Variants in COQ3 observed in about 807,000 individuals in gnomAD.
COQ3 encodes coenzyme Q3, methyltransferase, also known as ubiquinone biosynthesis O-methyltransferase, mitochondrial.
COQ3 carries 29 observed loss-of-function variants against 33.1 expected under a neutral mutation model. The observed-to-expected ratio is 0.88, with a 90% CI of 0.65 to 1.19. COQ3 has a LOEUF of 1.19. COQ3 is among the 50% of genes most tolerant of loss of function. The probability of loss-of-function intolerance (pLI) is 0.00; values close to 1 mark genes in which losing one functional copy is unlikely to be tolerated. For synonymous variants in COQ3, 173 were observed against 157.8 expected, an observed-to-expected ratio of 1.10 and a Z score of -0.72; for missense variants, 437 against 430.7, an observed-to-expected ratio of 1.01 and a Z score of -0.13.
At chr6:99,369,949 A>G in intron 6 of COQ3, 129 bp from the exon 7 acceptor site, 4 of 641,372 alleles carry the variant, frequency 6.2e-6, no homozygotes, top group Non-Finnish European at 1.1e-5. Flanking sequence ...AGAAGAAAAA[A>G]AAAGGATTCC....
At chr6:99,376,371 C>A (rs969357439) in intron 4 of COQ3, among the ~76,000 whole-genome samples, 189 bp from the exon 5 acceptor site, 1 of 151,874 alleles carries the variant, frequency 6.6e-6, no homozygotes, top group Non-Finnish European at 1.5e-5. Context: ...ATAATCAAAC[C>A]CTTAAAGTTA....
intron 1 of COQ3, among the ~76,000 whole-genome samples, chr6:99,392,876 A>T (rs533204181): frequency 1.3e-5 from 2 of 152,114 alleles, no homozygotes; most frequent in African/African-American, 4.8e-5. Context: ...GCCTGTCTCG[A>T]CCAACTGCTT....
intron 1 of COQ3, among the ~76,000 whole-genome samples, chr6:99,388,716 T>A (rs1013951097): frequency 6.6e-6 from 1 of 151,668 alleles, no homozygotes; most frequent in Non-Finnish European, 1.5e-5. Flanking sequence ...GGTGTGGTGG[T>A]GGGAACCTGT....
chr6:99,374,317 G>A (rs369337795), intron 5 of COQ3, among the ~76,000 whole-genome samples: 101 of 152,188 alleles, frequency 6.6e-4, no homozygotes, highest in Non-Finnish European at 1.2e-3. Flanking sequence ...GTATGCAAGT[G>A]CAGGGTCAGC....
chr6:99,370,309 CTACTTTCTTTTCT>C (rs1774091998), intron 6 of COQ3, among the ~76,000 whole-genome samples: 1 of 148,544 alleles, frequency 6.7e-6, no homozygotes, highest in Non-Finnish European at 1.5e-5. Flanking sequence ...CATTTTTTTC[CTACTTTCTTTTCT>C]TTCTTTCTTT....
chr6:99,393,003 G>A (rs1301198128), intron 1 of COQ3, among the ~76,000 whole-genome samples: 1 of 151,916 alleles, frequency 6.6e-6, no homozygotes, highest in Non-Finnish European at 1.5e-5. Context: ...TTGGAACTAG[G>A]TTTATTATAT....
intron 5 of COQ3, among the ~76,000 whole-genome samples, chr6:99,371,872 TCAAA>T (rs1488272687): frequency 6.6e-6 from 1 of 152,166 alleles, no homozygotes; most frequent in African/African-American, 2.4e-5. Flanking sequence ...TTTGTACATA[TCAAA>T]CACTTTACAA....
chr6:99,376,174 C>T lies in COQ3; in HGVS notation c.495G>A (p.Gly165=). The part of the protein sequence containing the change: ...CGGGLLTEPL[G]RLGASVIGID... ...TTCCAATAACTGAAGCCCCAAGCCG[C>T]CCTAGAGGCTAATGGCATTAAAAAA... The change falls in exon 5 of 7, where the codon GGG becomes GGA. Residue 165 remains glycine (G), a synonymous_variant. Transcript: ENST00000254759. 1 of 1,613,868 alleles carries T rather than the reference C, an allele frequency of 6.2e-7. No individual in the cohort carries two copies. Among genetic ancestry groups the T allele is most frequent in the South Asian group, 1.1e-5 (1 of 91,064 alleles).
At position 99,380,169 on chromosome 6, in the gene COQ3, T is replaced by TA. The variant is rs1249906047; in HGVS notation, c.386+19dup. On this transcript the variant is annotated intron_variant, in intron 3 of 6. Coordinates refer to ENST00000254759, the MANE Select transcript of COQ3 (RefSeq NM_017421.4). ...TTAAAAAGTTCCATTTAAAAAGACT[T>TA]AGAGTTTCTGGAGTGTTACCTAATA... 1.9e-6 allele frequency: 3 copies of TA among 1,603,688 alleles called. No individual in the cohort carries two copies. Among genetic ancestry groups the TA allele is most frequent in the Non-Finnish European group, 2.6e-6 (3 of 1,172,968 alleles).
At chr6:99,372,660 C>T (rs528065749) in intron 5 of COQ3, among the ~76,000 whole-genome samples, 1 of 152,184 alleles carries the variant, frequency 6.6e-6, no homozygotes, top group Admixed American at 6.5e-5. Context: ...TTGTGATCCA[C>T]CTGCCTTGGC....
At chr6:99,373,245 C>T (rs12203944) in intron 5 of COQ3, among the ~76,000 whole-genome samples, 19,093 of 151,868 alleles carry the variant, frequency 0.13, 1,683 homozygotes, top group Non-Finnish European at 0.18. Flanking sequence ...GTCAACATAG[C>T]GAGAACCGCA....
intron 2 of COQ3, among the ~76,000 whole-genome samples, chr6:99,380,793 G>C (rs963789320): frequency 4.6e-5 from 7 of 152,072 alleles, no homozygotes; most frequent in African/African-American, 1.7e-4. Flanking sequence ...TCTAATCCCA[G>C]CTACTCAGGA....
At chr6:99,372,332 G>A (rs1311544968) in intron 5 of COQ3, among the ~76,000 whole-genome samples, 1 of 151,914 alleles carries the variant, frequency 6.6e-6, no homozygotes, top group East Asian at 1.9e-4. Context: ...TTGAACACAG[G>A]AGGTGGAGGT....
chr6:99,384,442 G>T (rs1774559288), intron 1 of COQ3, among the ~76,000 whole-genome samples: 1 of 152,072 alleles, frequency 6.6e-6, no homozygotes, highest in Non-Finnish European at 1.5e-5. Context: ...TGACAGGAAT[G>T]ATATTCAAAT....
At chr6:99,389,154 A>G (rs1254186293) in intron 1 of COQ3, among the ~76,000 whole-genome samples, 1 of 151,790 alleles carries the variant, frequency 6.6e-6, no homozygotes, top group African/African-American at 2.4e-5. Context: ...AGGGTCTCTC[A>G]CTCTGTCGCC....
At chr6:99,386,146 T>C (rs1774648387) in intron 1 of COQ3, among the ~76,000 whole-genome samples, 1 of 151,312 alleles carries the variant, frequency 6.6e-6, no homozygotes. Context: ...AAAATAGAAA[T>C]CAGCCGGGTG....
chr6:99,378,890 G>C (rs967327620), intron 3 of COQ3, among the ~76,000 whole-genome samples: 4 of 151,438 alleles, frequency 2.6e-5, no homozygotes, highest in African/African-American at 9.7e-5. Context: ...ACAGTGCTTT[G>C]CCCAAAATTG....
chr6:99,375,390 T>C (rs1012744428), intron 5 of COQ3, among the ~76,000 whole-genome samples: 10 of 151,278 alleles, frequency 6.6e-5, no homozygotes, highest in Non-Finnish European at 1.0e-4. Context: ...ATTTTTCTTT[T>C]TTTTTTTTTT....
chr6:99,372,279 C>T (rs7742736), intron 5 of COQ3, among the ~76,000 whole-genome samples: 54,977 of 151,500 alleles, frequency 0.36, 10,366 homozygotes, highest in South Asian at 0.57. Flanking sequence ...GTGGTGAGTG[C>T]CTGTATTCCC....
Sources: allele counts gnomAD v4.1 joint callset (sites outside exome capture counted in the v4.1 genomes callset), GRCh38; gene constraint gnomAD v4.1.1; transcripts MANE v1.5; gene names NCBI Gene and HGNC (gene_info 2026-07-23, HGNC 2026-07-21).